The following ATRNL1 variants were observed in gnomAD, a reference collection of about 807,000 sequenced individuals.
ATRNL1 encodes attractin-like protein 1.
Under a neutral mutation model 182.7 loss-of-function variants are expected in ATRNL1, and 95 were observed. The observed-to-expected ratio is 0.52, with a 90% confidence interval of 0.44 to 0.62. ATRNL1 has a LOEUF of 0.62. Ranked by LOEUF, ATRNL1 falls within the 20% of genes least tolerant of loss-of-function variation. The pLI, the probability that ATRNL1 is intolerant of heterozygous loss-of-function variation, is 0.00. For missense variants in ATRNL1, 1,471 were observed against 1,679.5 expected, an observed-to-expected ratio of 0.88 and a Z score of 2.17; for synonymous variants, 576 against 568.3, an observed-to-expected ratio of 1.01 and a Z score of -0.19.
intron 28 of ATRNL1, among the ~76,000 whole-genome samples, chr10:115,917,215 A>G (rs1555117544): frequency 6.6e-6 from 1 of 151,894 alleles, no homozygotes; most frequent in African/African-American, 2.4e-5. Context: ...TCGCGCCTGT[A>G]ATCCCAGCGC....
At chr10:115,818,125 T>A (rs1308929407) in intron 27 of ATRNL1, among the ~76,000 whole-genome samples, 1 of 151,986 alleles carries the variant, frequency 6.6e-6, no homozygotes, top group Non-Finnish European at 1.5e-5. Context: ...GGCTTCTAAG[T>A]GCTTGTTTAG....
At chr10:115,563,022 A>G (rs1853847972) in intron 26 of ATRNL1, among the ~76,000 whole-genome samples, 1 of 152,202 alleles carries the variant, frequency 6.6e-6, no homozygotes. Flanking sequence ...AGATGGTGTT[A>G]TTATACTACA....
intron 26 of ATRNL1, among the ~76,000 whole-genome samples, chr10:115,722,520 A>G (rs1481976550): frequency 6.6e-6 from 1 of 152,162 alleles, no homozygotes; most frequent in Non-Finnish European, 1.5e-5. Flanking sequence ...TAACATCAAA[A>G]GAACAAAAAA....
intron 25 of ATRNL1, among the ~76,000 whole-genome samples, chr10:115,548,982 T>C (rs1405256063): frequency 3.9e-5 from 6 of 152,240 alleles, no homozygotes; most frequent in South Asian, 2.1e-4. Context: ...ATAAAGGTTA[T>C]TTAATATGTT....
intron 26 of ATRNL1, among the ~76,000 whole-genome samples, chr10:115,706,481 G>A (rs1372063272): frequency 1.3e-5 from 2 of 151,760 alleles, no homozygotes; most frequent in South Asian, 2.1e-4. Flanking sequence ...GATTTTTTGG[G>A]GGTGGGCATT....
intron 27 of ATRNL1, among the ~76,000 whole-genome samples, chr10:115,752,755 A>T (rs1386412866): frequency 6.6e-6 from 1 of 152,240 alleles, no homozygotes; most frequent in East Asian, 1.9e-4. Flanking sequence ...AGAAAATGAT[A>T]GTTATGCAAA....
chr10:115,237,513 A>T (rs3098987), intron 9 of ATRNL1, among the ~76,000 whole-genome samples: 152,387 of 152,388 alleles, frequency 1, 76,193 homozygotes, highest in Non-Finnish European at 1. Flanking sequence ...CATGCTTACT[A>T]GACATAAATA....
chr10:115,112,475 G>A (rs1223618308), intron 1 of ATRNL1, among the ~76,000 whole-genome samples: 1 of 152,158 alleles, frequency 6.6e-6, no homozygotes, highest in Admixed American at 6.5e-5. Flanking sequence ...GTTATAACAA[G>A]TCTGAATGGG....
At chr10:115,366,747 G>T (rs1167565853) in intron 19 of ATRNL1, among the ~76,000 whole-genome samples, 1 of 151,660 alleles carries the variant, frequency 6.6e-6, no homozygotes, top group Non-Finnish European at 1.5e-5. Flanking sequence ...TTGCTTGTCT[G>T]TAAAGTATTT....
At chr10:115,437,003 C>A (rs1407559404) in intron 21 of ATRNL1, among the ~76,000 whole-genome samples, 1 of 151,748 alleles carries the variant, frequency 6.6e-6, no homozygotes, top group Non-Finnish European at 1.5e-5. Flanking sequence ...GAATACATTA[C>A]AAGAGGGCCT....
intron 27 of ATRNL1, among the ~76,000 whole-genome samples, chr10:115,732,516 T>G (rs1304340098): frequency 6.6e-6 from 1 of 152,188 alleles, no homozygotes; most frequent in Non-Finnish European, 1.5e-5. Flanking sequence ...AAAACATTAT[T>G]TTTCAAAATT....
intron 28 of ATRNL1, among the ~76,000 whole-genome samples, chr10:115,871,392 C>A (rs1473671510): frequency 6.7e-6 from 1 of 148,950 alleles, no homozygotes; most frequent in Non-Finnish European, 1.5e-5. Flanking sequence ...CTGGATAAAT[C>A]TCACTGATAG....
At chr10:115,688,345 G>T (rs1001002721) in intron 26 of ATRNL1, among the ~76,000 whole-genome samples, 2 of 152,064 alleles carry the variant, frequency 1.3e-5, no homozygotes, top group Admixed American at 6.6e-5. Flanking sequence ...TGGAATGGTT[G>T]GACTATAAGG....
chr10:115,213,918 G>C (rs1042943804), intron 8 of ATRNL1, among the ~76,000 whole-genome samples: 1 of 151,866 alleles, frequency 6.6e-6, no homozygotes, highest in African/African-American at 2.4e-5. Context: ...TAAATAAATT[G>C]TATATTATCA....
chr10:115,155,579 A>T (rs1180969789), intron 5 of ATRNL1, among the ~76,000 whole-genome samples: 2 of 152,210 alleles, frequency 1.3e-5, no homozygotes, highest in African/African-American at 4.8e-5. Flanking sequence ...TGCATAGCTC[A>T]TGCTGTTACT....
intron 25 of ATRNL1, among the ~76,000 whole-genome samples, chr10:115,548,759 G>A (rs1277512675): frequency 6.6e-6 from 1 of 152,092 alleles, no homozygotes; most frequent in Non-Finnish European, 1.5e-5. Context: ...GTAAACATTA[G>A]CATATGCCAG....
rs548054917 is a variant in ATRNL1, at chr10:115,149,204, G to C, written c.830-10836G>C. 5.9e-5 allele frequency among the ~76,000 whole-genome samples: 9 copies of C among 152,156 alleles called. No individual in the cohort carries two copies. The South Asian group carries it at 1.7e-3, about 28-fold the overall frequency. ...CTTTTCCTGGCCAGTGTAGACGCCT[G>C]CACACATGGCAACAAAAGGGAAGGG... On this transcript the variant is annotated intron_variant, in intron 5 of 28. Transcript: ENST00000355044.
intron 18 of ATRNL1, among the ~76,000 whole-genome samples, chr10:115,327,287 A>C (rs1245481377): frequency 2.7e-5 from 4 of 150,744 alleles, no homozygotes; most frequent in Admixed American, 2.6e-4. Flanking sequence ...ACATGAACAG[A>C]CACTTCTCAA....
At chr10:115,314,032 T>C (rs782048923) in intron 17 of ATRNL1, among the ~76,000 whole-genome samples, 16 of 152,188 alleles carry the variant, frequency 1.1e-4, no homozygotes, top group Non-Finnish European at 1.6e-4. Flanking sequence ...ATAGGAAATG[T>C]TCAGTTATCT....
Sources: allele counts gnomAD v4.1 joint callset (sites outside exome capture counted in the v4.1 genomes callset), GRCh38; gene constraint gnomAD v4.1.1; transcripts MANE v1.5; gene names NCBI Gene and HGNC (gene_info 2026-07-23, HGNC 2026-07-21).